Variants in SESTD1 observed in about 807,000 individuals in gnomAD.
The protein encoded by SESTD1 is SEC14 domain and spectrin repeat-containing protein 1.
A neutral mutation model predicts 101.7 loss-of-function variants in SESTD1; 43 were observed. The observed-to-expected ratio is 0.42, with a 90% CI of 0.33 to 0.55. The LOEUF is 0.55. Ranked by LOEUF, SESTD1 falls within the 20% of genes least tolerant of loss-of-function variation. The pLI, the probability that SESTD1 is intolerant of heterozygous loss-of-function variation, is 0.07. For synonymous variants in SESTD1, 283 were observed against 286.8 expected, an observed-to-expected ratio of 0.99 and a Z score of 0.13; for missense variants, 647 against 815.1, an observed-to-expected ratio of 0.79 and a Z score of 2.51.
At chr2:179,190,019 T>C (rs1231014838) in intron 2 of SESTD1, among the ~76,000 whole-genome samples, 5 of 152,028 alleles carry the variant, frequency 3.3e-5, no homozygotes, top group African/African-American at 1.2e-4. Context: ...CATATCAAAC[T>C]ACCAATGTCA....
intron 1 of SESTD1, among the ~76,000 whole-genome samples, chr2:179,222,264 G>A (rs2046826760): frequency 6.6e-6 from 1 of 152,200 alleles, no homozygotes; most frequent in Non-Finnish European, 1.5e-5. Flanking sequence ...TTGGAGCCAG[G>A]GTGTGACTCC....
chr2:179,152,780 T>C (rs1379919973), intron 5 of SESTD1, among the ~76,000 whole-genome samples: 1 of 152,072 alleles, frequency 6.6e-6, no homozygotes. Context: ...AACAATACAT[T>C]AAATGGAAAT....
At chr2:179,228,735 T>C (rs1225017949) in intron 1 of SESTD1, among the ~76,000 whole-genome samples, 1 of 152,186 alleles carries the variant, frequency 6.6e-6, no homozygotes, top group African/African-American at 2.4e-5. Context: ...CTAAAAAGAC[T>C]AACAAGAAGA....
chr2:179,172,852 A>G (rs1162916035), intron 4 of SESTD1, among the ~76,000 whole-genome samples: 1 of 152,236 alleles, frequency 6.6e-6, no homozygotes, highest in Admixed American at 6.5e-5. Flanking sequence ...TATAGAGTCT[A>G]ACTTTAAAAT....
chr2:179,252,235 CTCTATT>C (rs1171182663), intron 1 of SESTD1, among the ~76,000 whole-genome samples: 2 of 152,246 alleles, frequency 1.3e-5, no homozygotes, highest in Non-Finnish European at 2.9e-5. Flanking sequence ...CATCCACTCA[CTCTATT>C]TCTAATCTTG....
chr2:179,141,351 A>ATTT (rs2105438766), intron 9 of SESTD1, among the ~76,000 whole-genome samples: 1 of 152,222 alleles, frequency 6.6e-6, no homozygotes, highest in African/African-American at 2.4e-5. Flanking sequence ...TACTCATCCT[A>ATTT]ATCCTACTCC....
chr2:179,118,080 C>T (rs1205512004), intron 13 of SESTD1, among the ~76,000 whole-genome samples: 1 of 151,326 alleles, frequency 6.6e-6, no homozygotes, highest in African/African-American at 2.4e-5. Context: ...AAATGATCTT[C>T]ACATCCCAGC....
intron 1 of SESTD1, among the ~76,000 whole-genome samples, chr2:179,214,179 G>C (rs1391428483): frequency 2.2e-5 from 3 of 134,572 alleles, no homozygotes; most frequent in Non-Finnish European, 4.8e-5. Context: ...AAAAGACACA[G>C]ACTGGCAAAT....
At chr2:179,205,031 C>T (rs756769053) in intron 1 of SESTD1, among the ~76,000 whole-genome samples, 3 of 134,506 alleles carry the variant, frequency 2.2e-5, no homozygotes, top group Non-Finnish European at 4.8e-5. Flanking sequence ...TTTTTTTGAA[C>T]TTATTTCTCC....
At chr2:179,137,813 A>G (rs1680828072) in intron 9 of SESTD1, among the ~76,000 whole-genome samples, 1 of 152,228 alleles carries the variant, frequency 6.6e-6, no homozygotes, top group South Asian at 2.1e-4. Context: ...GAAGTTTGAA[A>G]CAATTCAATT....
intron 1 of SESTD1, among the ~76,000 whole-genome samples, chr2:179,240,428 G>A (rs143214399): frequency 2.3e-4 from 35 of 152,232 alleles, no homozygotes; most frequent in African/African-American, 7.0e-4. Context: ...GTCTGTGAAC[G>A]GTAGAGAAAG....
chr2:179,218,519 T>C (rs1230846173), intron 1 of SESTD1, among the ~76,000 whole-genome samples: 2 of 152,030 alleles, frequency 1.3e-5, no homozygotes, highest in Non-Finnish European at 2.9e-5. Flanking sequence ...TAAAGGAAAA[T>C]GCAACCATGA....
chr2:179,238,440 T>C (rs1386234111), intron 1 of SESTD1, among the ~76,000 whole-genome samples: 2 of 152,174 alleles, frequency 1.3e-5, no homozygotes, highest in East Asian at 1.9e-4. Flanking sequence ...CATAAAAATA[T>C]ATATTAAATA....
At chr2:179,186,235 C>T (rs77556634) in intron 2 of SESTD1, among the ~76,000 whole-genome samples, 1,632 of 151,990 alleles carry the variant, frequency 0.011, 27 homozygotes, top group African/African-American at 0.038. Flanking sequence ...GTTGGCAGAG[C>T]TACAGTATCT....
Position 179,112,856 on chromosome 2 carries a change from T to C in SESTD1, c.1840-11A>G. The C allele has an allele frequency of 6.2e-7, 1 of 1,603,820 alleles. No individual in the cohort carries two copies. Among genetic ancestry groups the C allele is most frequent in the Admixed American group, 1.7e-5 (1 of 58,646 alleles). On this transcript the variant is annotated splice_polypyrimidine_tract_variant and intron_variant, in intron 16 of 17. Transcript: ENST00000428443. ...ACAGTCCTGCAAAATCTGCAACAAATAAAAGAGCAACATCAATCAAGAGAC... is the reference window on the plus strand; with the variant it reads ...ACAGTCCTGCAAAATCTGCAACAAACAAAAGAGCAACATCAATCAAGAGAC...
chr2:179,103,976 A>T lies in SESTD1; in HGVS notation c.*5923T>A, dbSNP rs1311576707. 1 of 152,326 alleles carries T rather than the reference A, an allele frequency of 6.6e-6. No homozygotes were observed. Among genetic ancestry groups the T allele is most frequent in the Non-Finnish European group, 1.5e-5 (1 of 68,008 alleles). The allele number at this position is 152,326 out of a possible 1,614,324, so 9.4% of individuals were successfully genotyped here. A position where few individuals can be genotyped will look rare whatever the true frequency, so the allele number is the denominator to read the frequency against. On this transcript the variant is annotated 3_prime_UTR_variant, in exon 18 of 18. Transcript: ENST00000428443. ...TGATGAATGGATATGTGACAAAGCA[A>T]GCATAGGTAATGCTAATTAGCATCT...
chr2:179,162,947 C>A lies in SESTD1; in HGVS notation c.369+9173G>T, dbSNP rs185416846. Among the ~76,000 whole-genome samples the A allele has an allele frequency of 4.0e-3, 593 of 149,940 alleles. 5 individuals are homozygous for A. Among genetic ancestry groups the A allele is most frequent in the Admixed American group, 5.1e-3 (77 of 15,024 alleles). ...CGGAGGTTGCAGTGAGCCAAGATTGCGCCACTGCACTACAGCCTGGGCAAC... is the reference window on the plus strand; with the variant it reads ...CGGAGGTTGCAGTGAGCCAAGATTGAGCCACTGCACTACAGCCTGGGCAAC... On this transcript the variant is annotated intron_variant, in intron 5 of 17. Coordinates refer to ENST00000428443, the MANE Select transcript of SESTD1 (RefSeq NM_178123.5).
At chr2:179,123,667 T>TAAA in intron 12 of SESTD1, 48 bp downstream of exon 12, 4 of 898,020 alleles carry the variant, frequency 4.5e-6, no homozygotes, top group East Asian at 3.0e-5. Flanking sequence ...GTAATGATAT[T>TAAA]TAAAAAAAAA....
intron 5 of SESTD1, among the ~76,000 whole-genome samples, chr2:179,157,468 A>G (rs575826592): frequency 6.6e-6 from 1 of 152,306 alleles, no homozygotes; most frequent in South Asian, 2.1e-4. Flanking sequence ...ATTTCAAACT[A>G]TACTATAAGG....
Sources: allele counts gnomAD v4.1 joint callset (sites outside exome capture counted in the v4.1 genomes callset), GRCh38; gene constraint gnomAD v4.1.1; transcripts MANE v1.5; gene names NCBI Gene and HGNC (gene_info 2026-07-23, HGNC 2026-07-21).